The following DDAH1 variants were observed in gnomAD, a reference collection of about 807,000 sequenced individuals.
DDAH1 encodes N(G),N(G)-dimethylarginine dimethylaminohydrolase 1.
In DDAH1, 19 loss-of-function variants were observed where a neutral mutation model predicts 28.8. That is an observed-to-expected ratio of 0.66 (90% CI 0.46 to 0.97). The LOEUF is 0.97. Ranked by LOEUF, DDAH1 falls within the 50% of genes least tolerant of loss-of-function variation. The pLI is 0.00. For missense variants in DDAH1, 326 were observed against 375.9 expected (o/e 0.87, Z 1.10); for synonymous variants, 153 against 154.4 (o/e 0.99, Z 0.07).
intron 1 of DDAH1, among the ~76,000 whole-genome samples, chr1:85,361,176 G>A (rs1192940195): frequency 6.6e-6 from 1 of 152,178 alleles, no homozygotes; most frequent in African/African-American, 2.4e-5. Flanking sequence ...TGGCATTGAG[G>A]TTCCGTTGAA....
chr1:85,326,027 G>A (rs1647370758), intron 4 of DDAH1, among the ~76,000 whole-genome samples: 1 of 152,208 alleles, frequency 6.6e-6, no homozygotes, highest in Non-Finnish European at 1.5e-5. Flanking sequence ...TTACTAGGCA[G>A]ACATGCCCAC....
At chr1:85,360,147 T>C (rs373933868) in intron 1 of DDAH1, among the ~76,000 whole-genome samples, 2 of 152,186 alleles carry the variant, frequency 1.3e-5, no homozygotes, top group South Asian at 2.1e-4. Flanking sequence ...GAGTTACTTC[T>C]AAAGTAATAA....
chr1:85,430,079 G>A (rs950392683), intron 1 of DDAH1, among the ~76,000 whole-genome samples: 2 of 152,042 alleles, frequency 1.3e-5, no homozygotes, highest in African/African-American at 2.4e-5. Context: ...TTTTGTATAA[G>A]GTGTAAGGAA....
intron 1 of DDAH1, among the ~76,000 whole-genome samples, chr1:85,374,092 C>T (rs905394230): frequency 6.6e-6 from 1 of 152,090 alleles, no homozygotes; most frequent in African/African-American, 2.4e-5. Context: ...CTCTAAACAT[C>T]CAAATACTAA....
chr1:85,359,228 G>A (rs939192485), intron 1 of DDAH1, among the ~76,000 whole-genome samples: 4 of 152,194 alleles, frequency 2.6e-5, no homozygotes, highest in African/African-American at 9.6e-5. Context: ...TGACAAGTTA[G>A]GGCATTTGTT....
chr1:85,370,637 C>G (rs1480011039), intron 1 of DDAH1, among the ~76,000 whole-genome samples: 4 of 152,046 alleles, frequency 2.6e-5, no homozygotes, highest in African/African-American at 7.3e-5. Flanking sequence ...AGTGTGGTGA[C>G]AGTGGAGACA....
intron 4 of DDAH1, among the ~76,000 whole-genome samples, chr1:85,331,588 A>G (rs950279643): frequency 6.6e-6 from 1 of 152,154 alleles, no homozygotes; most frequent in Non-Finnish European, 1.5e-5. Context: ...ATCCATCAAG[A>G]GTGTATTGAG....
intron 2 of DDAH1, among the ~76,000 whole-genome samples, chr1:85,474,845 G>T (rs1655740134): frequency 6.6e-6 from 1 of 152,134 alleles, no homozygotes. Flanking sequence ...AAGAATCTAT[G>T]ATTCTGTTGC....
At position 85,479,868 on chromosome 1, in the gene DDAH1, C is replaced by T. The variant is rs564724091; in HGVS notation, c.-7+16298G>A. 6.4e-4 allele frequency among the ~76,000 whole-genome samples: 97 copies of T among 152,186 alleles called. 1 individual carries two copies. In the Middle Eastern group the frequency reaches 0.01, roughly 16 times the overall value. ...GCTAATCACATGTTCTAGAAGAGGT[C>T]ACAAAATTCTGATTTGGGAATTTTT... On this transcript the variant is annotated intron_variant, in intron 2 of 6. Transcript: ENST00000426972.
At chr1:85,544,228 G>T (rs747275697) in intron 1 of DDAH1, among the ~76,000 whole-genome samples, 1 of 152,160 alleles carries the variant, frequency 6.6e-6, no homozygotes, top group Non-Finnish European at 1.5e-5. Context: ...AGATTCAGGA[G>T]CTGGGGCAAG....
chr1:85,383,937 G>A (rs1289883758), intron 1 of DDAH1, among the ~76,000 whole-genome samples: 1 of 151,986 alleles, frequency 6.6e-6, no homozygotes, highest in Non-Finnish European at 1.5e-5. Flanking sequence ...GGACTGGGAA[G>A]CAAAAAAAAT....
chr1:85,349,034 C>A (rs1557501574), intron 4 of DDAH1, among the ~76,000 whole-genome samples: 1 of 152,166 alleles, frequency 6.6e-6, no homozygotes, highest in Non-Finnish European at 1.5e-5. Flanking sequence ...GGATAGATAC[C>A]ACAGTCCCTA....
At chr1:85,342,926 A>G (rs552921205) in intron 4 of DDAH1, among the ~76,000 whole-genome samples, 37 of 152,324 alleles carry the variant, frequency 2.4e-4, no homozygotes, top group African/African-American at 7.2e-4. Context: ...GTTTTCAGAA[A>G]GCTACTCAGA....
chr1:85,465,287 A>G (rs1655327553), upstream of DDAH1: 4 of 981,238 alleles, frequency 4.1e-6, no homozygotes, highest in Non-Finnish European at 5.0e-6. Context: ...GCGCCAGCCC[A>G]GGCGGGAGTT....
At chr1:85,552,735 T>C (rs1570669229) in intron 1 of DDAH1, among the ~76,000 whole-genome samples, 1 of 152,150 alleles carries the variant, frequency 6.6e-6, no homozygotes, top group South Asian at 2.1e-4. Context: ...GTAGACAAAA[T>C]AACTGACTCT....
intron 1 of DDAH1, among the ~76,000 whole-genome samples, chr1:85,574,743 C>A (rs2100573455): frequency 6.6e-6 from 1 of 152,238 alleles, no homozygotes; most frequent in East Asian, 1.9e-4. Flanking sequence ...AATACATTGT[C>A]CTCAAATATA....
At chr1:85,552,670 A>G (rs1557754716) in intron 1 of DDAH1, among the ~76,000 whole-genome samples, 1 of 152,168 alleles carries the variant, frequency 6.6e-6, no homozygotes, top group Non-Finnish European at 1.5e-5. Context: ...AGGCCTCTTA[A>G]TTAGGTGGAA....
chr1:85,560,804 G>A (rs573256171), intron 1 of DDAH1, among the ~76,000 whole-genome samples: 15 of 152,136 alleles, frequency 9.9e-5, no homozygotes, highest in African/African-American at 3.6e-4. Flanking sequence ...TTGAAAAAGT[G>A]TATGTTATCT....
intron 1 of DDAH1, among the ~76,000 whole-genome samples, chr1:85,542,397 G>A (rs1658495651): frequency 6.6e-6 from 1 of 152,158 alleles, no homozygotes; most frequent in Non-Finnish European, 1.5e-5. Flanking sequence ...CAGATTCTAA[G>A]GAAATCAGTA....
Sources: allele counts gnomAD v4.1 joint callset (sites outside exome capture counted in the v4.1 genomes callset), GRCh38; gene constraint gnomAD v4.1.1; transcripts MANE v1.5; gene names NCBI Gene and HGNC (gene_info 2026-07-23, HGNC 2026-07-21).